Variants in GPC5 observed in about 807,000 individuals in gnomAD.
GPC5 encodes the protein glypican 5, also known as glypican-5.
Under a neutral mutation model 53.9 loss-of-function variants are expected in GPC5, and 47 were observed. The ratio of observed to expected loss-of-function variants is 0.87; its 90% CI spans 0.69 to 1.11. GPC5 has a LOEUF of 1.11. Among genes scored for constraint, GPC5 ranks in the 50% most tolerant of loss-of-function variants. The pLI is 0.00. For synonymous variants in GPC5, 286 were observed against 263.3 expected, an observed-to-expected ratio of 1.09 and a Z score of -0.84; for missense variants, 748 against 713.1, an observed-to-expected ratio of 1.05 and a Z score of -0.56.
intron 3 of GPC5, among the ~76,000 whole-genome samples, chr13:91,726,833 G>GA (rs1278362081): frequency 6.6e-6 from 1 of 152,210 alleles, no homozygotes; most frequent in Non-Finnish European, 1.5e-5. Flanking sequence ...CTGCTGTGAT[G>GA]AGTTTTCTCA....
At chr13:92,111,877 G>T (rs892656830) in intron 6 of GPC5, among the ~76,000 whole-genome samples, 1 of 152,154 alleles carries the variant, frequency 6.6e-6, no homozygotes, top group Non-Finnish European at 1.5e-5. Flanking sequence ...CTATTTTGAA[G>T]GGAGGATGAT....
intron 7 of GPC5, among the ~76,000 whole-genome samples, chr13:92,634,941 T>C (rs1885366563): frequency 6.6e-6 from 1 of 152,002 alleles, no homozygotes; most frequent in Non-Finnish European, 1.5e-5. Context: ...AGACATTTGC[T>C]GTATTTTATA....
intron 7 of GPC5, among the ~76,000 whole-genome samples, chr13:92,266,532 C>T (rs2042803571): frequency 6.6e-6 from 1 of 152,040 alleles, no homozygotes; most frequent in African/African-American, 2.4e-5. Flanking sequence ...CTGAGTCATC[C>T]CTCAGGTCCT....
chr13:92,712,464 CA>C (rs60974028), intron 7 of GPC5, among the ~76,000 whole-genome samples: 133,953 of 149,004 alleles, frequency 0.9, 59,690 homozygotes, highest in East Asian at 0.97. Context: ...AACAAACAAA[CA>C]AAAAAAAAAC....
chr13:91,586,131 G>C (rs72641448), intron 2 of GPC5, among the ~76,000 whole-genome samples: 9,107 of 150,580 alleles, frequency 0.06, 347 homozygotes, highest in Non-Finnish European at 0.086. Flanking sequence ...TAAATTAATT[G>C]CACGATTCTG....
At chr13:92,427,062 T>A (rs776021598) in intron 7 of GPC5, among the ~76,000 whole-genome samples, 4 of 151,980 alleles carry the variant, frequency 2.6e-5, no homozygotes, top group Non-Finnish European at 5.9e-5. Context: ...GTAAATAGTG[T>A]GAAAGTGAAG....
intron 2 of GPC5, among the ~76,000 whole-genome samples, chr13:91,628,981 A>G (rs1002964123): frequency 6.6e-6 from 1 of 152,208 alleles, no homozygotes; most frequent in Non-Finnish European, 1.5e-5. Context: ...TCTAGCATCT[A>G]AAGTGGAGAT....
chr13:92,826,801 C>T (rs1467656177), intron 7 of GPC5, among the ~76,000 whole-genome samples: 2 of 152,014 alleles, frequency 1.3e-5, no homozygotes, highest in African/African-American at 4.8e-5. Flanking sequence ...GTTTCATTTG[C>T]TTGTTTTTTG....
intron 7 of GPC5, among the ~76,000 whole-genome samples, chr13:92,319,549 A>G (rs1165375833): frequency 6.6e-6 from 1 of 152,252 alleles, no homozygotes; most frequent in East Asian, 1.9e-4. Flanking sequence ...TAACACACCT[A>G]CACAGGTTGT....
chr13:92,174,326 C>A (rs564305928), intron 7 of GPC5, among the ~76,000 whole-genome samples: 1 of 149,424 alleles, frequency 6.7e-6, no homozygotes, highest in Non-Finnish European at 1.5e-5. Flanking sequence ...TTGAGACCAT[C>A]CTGGCTAACA....
chr13:92,717,823 AAC>A (rs1341734226), intron 7 of GPC5, among the ~76,000 whole-genome samples: 1 of 152,226 alleles, frequency 6.6e-6, no homozygotes, highest in East Asian at 1.9e-4. Flanking sequence ...GTTGTCTTCC[AAC>A]ACACAGAATG....
intron 7 of GPC5, among the ~76,000 whole-genome samples, chr13:92,669,580 G>A (rs1418612724): frequency 6.6e-6 from 1 of 152,142 alleles, no homozygotes; most frequent in Non-Finnish European, 1.5e-5. Context: ...AGCCATGATG[G>A]CTACCTCACT....
At chr13:91,413,485 T>C (rs1428433860) in intron 1 of GPC5, among the ~76,000 whole-genome samples, 2 of 152,138 alleles carry the variant, frequency 1.3e-5, no homozygotes, top group African/African-American at 4.8e-5. Flanking sequence ...GAAGTGAAAA[T>C]ATATACTTTA....
chr13:91,471,154 T>C (rs1265970347), intron 2 of GPC5, among the ~76,000 whole-genome samples: 5 of 152,196 alleles, frequency 3.3e-5, no homozygotes, highest in African/African-American at 9.6e-5. Flanking sequence ...TACTGATTCT[T>C]CCTTTGGGTG....
chr13:92,420,800 ATGT>A (rs1876523962), intron 7 of GPC5, among the ~76,000 whole-genome samples: 1 of 152,126 alleles, frequency 6.6e-6, no homozygotes, highest in Non-Finnish European at 1.5e-5. Flanking sequence ...AGGTCTATCC[ATGT>A]TGTTGGAAAT....
chr13:91,696,929 G>A (rs1240989153), intron 3 of GPC5, among the ~76,000 whole-genome samples: 2 of 152,172 alleles, frequency 1.3e-5, no homozygotes, highest in African/African-American at 4.8e-5. Context: ...ATCTGTCTCT[G>A]CCTCTTACTA....
At chr13:91,712,448 G>A (rs1279401285) in intron 3 of GPC5, among the ~76,000 whole-genome samples, 2 of 151,876 alleles carry the variant, frequency 1.3e-5, no homozygotes. Context: ...ACTAACTTGG[G>A]TGAAAGTATG....
intron 6 of GPC5, among the ~76,000 whole-genome samples, chr13:92,042,354 C>G (rs1372383945): frequency 6.6e-6 from 1 of 152,072 alleles, no homozygotes; most frequent in Non-Finnish European, 1.5e-5. Flanking sequence ...GCACCAGGGC[C>G]TCCAAGACAT....
At chr13:92,205,830 T>C (rs150687991) in intron 7 of GPC5, among the ~76,000 whole-genome samples, 45 of 152,180 alleles carry the variant, frequency 3.0e-4, no homozygotes, top group African/African-American at 1.0e-3. Context: ...GTGGATCACC[T>C]GAGATCAGGA....
Sources: allele counts gnomAD v4.1 joint callset (sites outside exome capture counted in the v4.1 genomes callset), GRCh38; gene constraint gnomAD v4.1.1; transcripts MANE v1.5; gene names NCBI Gene and HGNC (gene_info 2026-07-23, HGNC 2026-07-21).